TCF7: variants seen among roughly 807,000 people sequenced by gnomAD.
TCF7 encodes the protein transcription factor 7.
Under a neutral mutation model 46.8 loss-of-function variants are expected in TCF7, and 19 were observed. The observed-to-expected ratio is 0.41, with a 90% CI of 0.28 to 0.60. TCF7 has a LOEUF of 0.60. Ranked by LOEUF, TCF7 falls within the 20% of genes least tolerant of loss-of-function variation. The pLI is 0.35. For missense variants in TCF7, 547 were observed against 504.6 expected, an observed-to-expected ratio of 1.08 and a Z score of -0.81; for synonymous variants, 245 against 213.4, an observed-to-expected ratio of 1.15 and a Z score of -1.29.
intron 3 of TCF7, among the ~76,000 whole-genome samples, chr5:134,136,432 G>A (rs1373988456): frequency 1.3e-5 from 2 of 152,112 alleles, no homozygotes; most frequent in African/African-American, 4.8e-5. Context: ...GCAGATGGAT[G>A]AGCAGGGCCC....
At chr5:134,124,554 G>A (rs1044996127) in intron 3 of TCF7, among the ~76,000 whole-genome samples, 1 of 152,136 alleles carries the variant, frequency 6.6e-6, no homozygotes, top group African/African-American at 2.4e-5. Context: ...CTACTCTAGA[G>A]CCGGAGCAAG....
upstream of TCF7, among the ~76,000 whole-genome samples, chr5:134,113,965 T>TG (rs1755450127): frequency 2.6e-5 from 4 of 152,204 alleles, no homozygotes; most frequent in Admixed American, 6.5e-5. Flanking sequence ...GGAACCGAGT[T>TG]GGGAGAGTCA....
At chr5:134,125,543 G>C (rs553943419) in intron 3 of TCF7, among the ~76,000 whole-genome samples, 46 of 152,364 alleles carry the variant, frequency 3.0e-4, no homozygotes, top group African/African-American at 1.1e-3. Flanking sequence ...CTGTACCCAA[G>C]GCAGAATGTC....
chr5:134,122,479 G>A (rs1756737010), intron 3 of TCF7, among the ~76,000 whole-genome samples: 1 of 152,170 alleles, frequency 6.6e-6, no homozygotes, highest in African/African-American at 2.4e-5. Context: ...TCAAGTGAGT[G>A]GGGCTGAAGC....
At chr5:134,112,688 A>G (rs757015368), upstream of TCF7, among the ~76,000 whole-genome samples, 6 of 152,220 alleles carry the variant, frequency 3.9e-5, no homozygotes, top group African/African-American at 4.8e-5. Context: ...TCCCACCACC[A>G]TTTTAGTAAA....
At chr5:134,128,964 A>G (rs1031569643) in intron 3 of TCF7, among the ~76,000 whole-genome samples, 3 of 152,160 alleles carry the variant, frequency 2.0e-5, no homozygotes, top group Non-Finnish European at 4.4e-5. Context: ...CTGCTAGCCA[A>G]TTTGTTTCAA....
upstream of TCF7, among the ~76,000 whole-genome samples, chr5:134,114,197 G>T (rs1755480575): frequency 6.6e-6 from 1 of 152,196 alleles, no homozygotes; most frequent in African/African-American, 2.4e-5. Flanking sequence ...TGGAGGATGG[G>T]GCAAGAGCCG....
At chr5:134,144,772 A>AC (rs762937749) in intron 9 of TCF7, 49 of 1,605,330 alleles carry the variant, frequency 3.1e-5, no homozygotes, top group Middle Eastern at 1.6e-4. Context: ...GCCCTGCTCT[A>AC]CCCCTCTGGC....
At chr5:134,129,982 ACT>A (rs1442738078) in intron 3 of TCF7, among the ~76,000 whole-genome samples, 5 of 151,984 alleles carry the variant, frequency 3.3e-5, no homozygotes, top group Admixed American at 3.3e-4. Flanking sequence ...ACGCATCCAC[ACT>A]CTGTGCTTTT....
intron 3 of TCF7, 57 bp downstream of exon 3, chr5:134,116,090 G>A (rs1317842641): frequency 1.9e-6 from 3 of 1,553,918 alleles, no homozygotes; most frequent in African/African-American, 1.4e-5. Context: ...TGACCAGGTA[G>A]GTGAGGCACC....
chr5:134,132,169 A>T (rs1758210117), intron 3 of TCF7, among the ~76,000 whole-genome samples: 1 of 152,182 alleles, frequency 6.6e-6, no homozygotes, highest in Admixed American at 6.5e-5. Flanking sequence ...TAGCTGTGTG[A>T]CCTTGTGCCT....
At chr5:134,117,792 A>G (rs1159260387) in intron 3 of TCF7, among the ~76,000 whole-genome samples, 1 of 152,192 alleles carries the variant, frequency 6.6e-6, no homozygotes, top group African/African-American at 2.4e-5. Context: ...TATGTATCGC[A>G]CCTGCTCCTA....
chr5:134,116,203 A>T, intron 3 of TCF7, 170 bp downstream of exon 3: 1 of 1,390,636 alleles, frequency 7.2e-7, no homozygotes, highest in Non-Finnish European at 9.3e-7. Flanking sequence ...AACTTTGCTG[A>T]AGGAAGGAGG....
intron 3 of TCF7, among the ~76,000 whole-genome samples, chr5:134,120,231 C>T (rs1159494812): frequency 2.6e-5 from 4 of 152,172 alleles, no homozygotes; most frequent in Non-Finnish European, 4.4e-5. Flanking sequence ...ACCCAAAGCC[C>T]CAGTCATCGC....
At chr5:134,141,485 A>C (rs1234039699) in intron 5 of TCF7, 1 of 152,402 alleles carries the variant, frequency 6.6e-6, no homozygotes, top group African/African-American at 2.4e-5. Context: ...TAGCAAGTGT[A>C]GACATGGCAC....
chr5:134,113,303 G>A (rs887323718), upstream of TCF7, among the ~76,000 whole-genome samples: 1 of 152,248 alleles, frequency 6.6e-6, no homozygotes, highest in African/African-American at 2.4e-5. Context: ...ACCCTAGCCC[G>A]GAGGTGGCGG....
At chr5:134,115,463 C>G (rs1755669972) in intron 2 of TCF7, 76 bp downstream of exon 2, 1 of 1,525,784 alleles carries the variant, frequency 6.6e-7, no homozygotes, top group Non-Finnish European at 8.8e-7. Flanking sequence ...CGCCAAGGAC[C>G]GCGGGGAGCC....
chr5:134,113,096 C>T (rs1755367156), upstream of TCF7, among the ~76,000 whole-genome samples: 1 of 152,214 alleles, frequency 6.6e-6, no homozygotes, highest in Non-Finnish European at 1.5e-5. Flanking sequence ...CCCTGTACCT[C>T]TCCCCTCCGG....
At chr5:134,137,132 A>G (rs1214565137) in intron 3 of TCF7, among the ~76,000 whole-genome samples, 2 of 152,192 alleles carry the variant, frequency 1.3e-5, no homozygotes, top group African/African-American at 2.4e-5. Flanking sequence ...AACTAGTGTT[A>G]AGAGTCTTGG....
Sources: gnomAD v4.1 joint callset for allele counts (sites outside exome capture counted in the v4.1 genomes callset) on GRCh38, gnomAD v4.1.1 for gene constraint, MANE v1.5 for transcripts, NCBI Gene and HGNC (gene_info 2026-07-23, HGNC 2026-07-21) for gene names.